The following DLC1 variants were observed in gnomAD, a reference collection of about 807,000 sequenced individuals.
DLC1 encodes rho GTPase-activating protein 7.
In DLC1, 54 loss-of-function variants were observed where a neutral mutation model predicts 140.3. That is an observed-to-expected ratio of 0.38 (90% CI 0.31 to 0.48). The LOEUF (loss-of-function observed/expected upper bound fraction) is 0.48, where lower values mean the gene tolerates loss of function less well. Ranked by LOEUF, DLC1 falls within the 20% of genes least tolerant of loss-of-function variation. The pLI is 0.96. For missense variants in DLC1, 2,536 were observed against 1,907.0 expected (o/e 1.33, Z -6.14); for synonymous variants, 986 against 728.1 (o/e 1.35, Z -5.70).
intron 2 of DLC1, among the ~76,000 whole-genome samples, chr8:13,419,086 G>T (rs1193281653): frequency 6.6e-6 from 1 of 152,134 alleles, no homozygotes; most frequent in African/African-American, 2.4e-5. Flanking sequence ...CTTTGCTGAA[G>T]TTGCTTATCA....
At chr8:13,219,642 G>T (rs1828444891) in intron 5 of DLC1, among the ~76,000 whole-genome samples, 1 of 151,354 alleles carries the variant, frequency 6.6e-6, no homozygotes, top group Admixed American at 6.6e-5. Flanking sequence ...GATATTTTTG[G>T]AGATATCTAT....
chr8:13,214,655 G>A (rs1263371045), intron 5 of DLC1: 1 of 779,178 alleles, frequency 1.3e-6, no homozygotes, highest in African/African-American at 1.7e-5. Flanking sequence ...CCAGCAACAT[G>A]GAAAAGCCTC....
chr8:13,577,789 T>G (rs1337958461), intron 1 of DLC1, among the ~76,000 whole-genome samples: 1 of 152,174 alleles, frequency 6.6e-6, no homozygotes, highest in South Asian at 2.1e-4. Context: ...GAGAGAGTTA[T>G]GTTTTCCCTG....
chr8:13,258,552 T>G (rs1302734682), intron 5 of DLC1, among the ~76,000 whole-genome samples: 4 of 152,212 alleles, frequency 2.6e-5, no homozygotes, highest in Non-Finnish European at 5.9e-5. Flanking sequence ...ACATCCACAT[T>G]TAAGTTCTTA....
intron 5 of DLC1, among the ~76,000 whole-genome samples, chr8:13,292,406 A>C (rs896813431): frequency 5.9e-5 from 9 of 152,250 alleles, no homozygotes; most frequent in Admixed American, 5.2e-4. Flanking sequence ...AGTTAGACCC[A>C]GGTCACTCTT....
At chr8:13,175,232 C>A (rs1046909857) in intron 5 of DLC1, among the ~76,000 whole-genome samples, 1 of 150,570 alleles carries the variant, frequency 6.6e-6, no homozygotes, top group Non-Finnish European at 1.5e-5. Flanking sequence ...TATTTTTGCA[C>A]CAGTACCATG....
At chr8:13,490,998 C>T (rs1171434859) in intron 2 of DLC1, among the ~76,000 whole-genome samples, 4 of 146,962 alleles carry the variant, frequency 2.7e-5, no homozygotes, top group Non-Finnish European at 4.5e-5. Context: ...TACACACACA[C>T]ACATATATAT....
chr8:13,434,120 A>AC (rs1315607630), intron 2 of DLC1, among the ~76,000 whole-genome samples: 1 of 152,148 alleles, frequency 6.6e-6, no homozygotes, highest in Non-Finnish European at 1.5e-5. Flanking sequence ...CAGGTGATCC[A>AC]CCTGCCTCGG....
intron 2 of DLC1, among the ~76,000 whole-genome samples, chr8:13,423,301 C>G (rs182713116): frequency 1.1e-4 from 16 of 152,042 alleles, no homozygotes; most frequent in Non-Finnish European, 5.9e-5. Flanking sequence ...TTCTGCTCTT[C>G]CTGTGATCCC....
chr8:13,470,493 T>C (rs1280460262), intron 2 of DLC1, among the ~76,000 whole-genome samples: 1 of 152,052 alleles, frequency 6.6e-6, no homozygotes, highest in African/African-American at 2.4e-5. Context: ...GACATAGAAA[T>C]GGTCAACAGG....
chr8:13,097,499 T>C (rs921365010), intron 10 of DLC1, among the ~76,000 whole-genome samples: 1 of 152,006 alleles, frequency 6.6e-6, no homozygotes, highest in Non-Finnish European at 1.5e-5. Flanking sequence ...CCTGGCGTCA[T>C]GTGATCCACC....
chr8:13,389,697 T>A (rs184427715), intron 4 of DLC1, among the ~76,000 whole-genome samples: 141 of 152,122 alleles, frequency 9.3e-4, no homozygotes, highest in African/African-American at 3.2e-3. Flanking sequence ...AAAAGAAAAA[T>A]AATCTTACTG....
intron 5 of DLC1, among the ~76,000 whole-genome samples, chr8:13,295,801 A>T (rs1831920104): frequency 6.6e-6 from 1 of 152,168 alleles, no homozygotes; most frequent in Non-Finnish European, 1.5e-5. Flanking sequence ...AGAAACTAGG[A>T]TCAATCAACA....
At chr8:13,520,088 A>G (rs984723395) in intron 1 of DLC1, among the ~76,000 whole-genome samples, 1 of 152,236 alleles carries the variant, frequency 6.6e-6, no homozygotes, top group African/African-American at 2.4e-5. Flanking sequence ...ATCTACAACT[A>G]GAAGTACCAT....
chr8:13,137,778 A>C (rs1585741659), intron 5 of DLC1, among the ~76,000 whole-genome samples: 1 of 151,452 alleles, frequency 6.6e-6, no homozygotes, highest in Non-Finnish European at 1.5e-5. Context: ...TTATATTTTT[A>C]GAAGCAATGG....
chr8:13,332,203 G>A (rs898392408), intron 4 of DLC1, among the ~76,000 whole-genome samples: 2 of 152,126 alleles, frequency 1.3e-5, no homozygotes, highest in East Asian at 1.9e-4. Flanking sequence ...ATTGTAAAGT[G>A]CATTAGCATA....
chr8:13,184,747 T>C (rs1199656033), intron 5 of DLC1, among the ~76,000 whole-genome samples: 2 of 152,198 alleles, frequency 1.3e-5, no homozygotes, highest in Non-Finnish European at 2.9e-5. Context: ...ATAAGTGTGA[T>C]GTGATGCTGA....
intron 2 of DLC1, among the ~76,000 whole-genome samples, chr8:13,446,665 G>A (rs1798788791): frequency 6.6e-6 from 1 of 152,082 alleles, no homozygotes; most frequent in Non-Finnish European, 1.5e-5. Context: ...ATAAGAAAAG[G>A]AATGGTGGTT....
intron 4 of DLC1, among the ~76,000 whole-genome samples, chr8:13,358,637 C>T (rs1395551821): frequency 6.6e-6 from 1 of 151,796 alleles, no homozygotes; most frequent in African/African-American, 2.4e-5. Flanking sequence ...ATAACCCCAT[C>T]ACGAAAGTTT....
Sources: gnomAD v4.1 joint callset for allele counts (sites outside exome capture counted in the v4.1 genomes callset) on GRCh38, gnomAD v4.1.1 for gene constraint, MANE v1.5 for transcripts, NCBI Gene and HGNC (gene_info 2026-07-23, HGNC 2026-07-21) for gene names.